The following TESC variants were observed in gnomAD, a reference collection of about 807,000 sequenced individuals.
The protein encoded by TESC is tescalcin.
Under a neutral mutation model 31.0 loss-of-function variants are expected in TESC, and 19 were observed. The ratio of observed to expected loss-of-function variants is 0.61; its 90% CI spans 0.43 to 0.90. The LOEUF (loss-of-function observed/expected upper bound fraction) is 0.90. Among genes scored for constraint, TESC ranks in the 40% least tolerant of loss-of-function variants. The pLI is 0.00. For missense variants in TESC, 248 were observed against 303.8 expected, an observed-to-expected ratio of 0.82 and a Z score of 1.36; for synonymous variants, 109 against 114.8, an observed-to-expected ratio of 0.95 and a Z score of 0.32.
chr12:117,047,138 T>C (rs560184679), intron 4 of TESC, among the ~76,000 whole-genome samples: 1 of 152,350 alleles, frequency 6.6e-6, no homozygotes, highest in Admixed American at 6.5e-5. Context: ...GCCTGGCAAC[T>C]GCCCCGTGAG....
At chr12:117,052,022 C>G (rs566792528) in intron 3 of TESC, among the ~76,000 whole-genome samples, 5 of 152,276 alleles carry the variant, frequency 3.3e-5, no homozygotes, top group African/African-American at 1.2e-4. Flanking sequence ...AATCCTACTG[C>G]CTTAGCCTCC....
chr12:117,081,735 C>T (rs570713848), intron 1 of TESC, among the ~76,000 whole-genome samples: 1 of 152,020 alleles, frequency 6.6e-6, no homozygotes, highest in East Asian at 1.9e-4. Flanking sequence ...GAAACCCCAT[C>T]TCTACTAAAA....
chr12:117,088,430 C>CAG (rs1955250238), intron 1 of TESC, among the ~76,000 whole-genome samples: 1 of 152,176 alleles, frequency 6.6e-6, no homozygotes, highest in Non-Finnish European at 1.5e-5. Flanking sequence ...CCTGTAATCC[C>CAG]AGCGCTTTGG....
intron 1 of TESC, among the ~76,000 whole-genome samples, chr12:117,093,107 G>C (rs896127385): frequency 6.6e-6 from 1 of 152,110 alleles, no homozygotes; most frequent in Admixed American, 6.5e-5. Flanking sequence ...GGTCCACCCT[G>C]GCCCATCAGA....
At chr12:117,070,849 T>C (rs879642045) in intron 2 of TESC, among the ~76,000 whole-genome samples, 8 of 152,020 alleles carry the variant, frequency 5.3e-5, no homozygotes, top group Non-Finnish European at 1.2e-4. Flanking sequence ...CACACACCTG[T>C]AGTCCCAGCT....
rs184364821 is a variant in TESC at position 117,053,377 on chromosome 12, G to C, written c.209+3429C>G. On this transcript the variant is annotated intron_variant, in intron 3 of 7. Coordinates refer to ENST00000335209, the MANE Select transcript of TESC (RefSeq NM_017899.4). ...GTCTCCTGGAGCTCGGCTGTTCATG[G>C]AAAACAGCCTGGCAGGTGTGTGCAT... 7.3e-4 allele frequency among the ~76,000 whole-genome samples: 111 copies of C among 152,282 alleles called. 1 individual carries two copies. In the East Asian group the frequency reaches 0.019, roughly 26 times the overall value.
chr12:117,056,029 T>TC (rs999059863), intron 3 of TESC, among the ~76,000 whole-genome samples: 1 of 150,754 alleles, frequency 6.6e-6, no homozygotes, highest in African/African-American at 2.4e-5. Context: ...CAAGAGATTC[T>TC]CCTGCCTCAG....
intron 2 of TESC, among the ~76,000 whole-genome samples, chr12:117,065,635 T>C (rs879372953): frequency 2.6e-5 from 4 of 152,154 alleles, no homozygotes; most frequent in Non-Finnish European, 5.9e-5. Context: ...ACACCTATAA[T>C]TTCAGCACTT....
At chr12:117,093,537 G>A (rs370675115) in intron 1 of TESC, among the ~76,000 whole-genome samples, 1 of 152,230 alleles carries the variant, frequency 6.6e-6, no homozygotes, top group Non-Finnish European at 1.5e-5. Context: ...GGGATTACAA[G>A]CATGAGCCAC....
chr12:117,057,773 G>GT (rs1593001564), intron 2 of TESC, among the ~76,000 whole-genome samples: 1 of 151,956 alleles, frequency 6.6e-6, no homozygotes, highest in Non-Finnish European at 1.5e-5. Context: ...TTTTTTGTTT[G>GT]TTTGTTTTTT....
At chr12:117,058,275 T>C (rs1264134963) in intron 2 of TESC, among the ~76,000 whole-genome samples, 2 of 151,932 alleles carry the variant, frequency 1.3e-5, no homozygotes, top group Non-Finnish European at 2.9e-5. Flanking sequence ...TTATGCTAAG[T>C]GAAAGAAGCC....
chr12:117,073,432 C>T (rs879815046), intron 2 of TESC, among the ~76,000 whole-genome samples: 5 of 151,494 alleles, frequency 3.3e-5, no homozygotes, highest in Admixed American at 1.3e-4. Context: ...TGCAATCAAA[C>T]TGAGACCAGA....
In TESC at chr12:117,048,004, A is replaced by C. The variant is rs182820918; in HGVS notation, c.349+1015T>G. 3.3e-5 allele frequency among the ~76,000 whole-genome samples: 5 copies of C among 152,026 alleles called. No homozygotes were observed. In the East Asian group the frequency reaches 9.7e-4, roughly 29 times the overall value. ...AGTTATCCTCCCCACTCAGCCTCCTAAAGTGCTGGGATTACAGGAGTGCAC... is the reference window on the plus strand; with the variant it reads ...AGTTATCCTCCCCACTCAGCCTCCTCAAGTGCTGGGATTACAGGAGTGCAC... On this transcript the variant is annotated intron_variant, in intron 4 of 7. Coordinates refer to ENST00000335209, the MANE Select transcript of TESC (RefSeq NM_017899.4).
intron 1 of TESC, among the ~76,000 whole-genome samples, chr12:117,076,964 A>G (rs1404048762): frequency 6.6e-6 from 1 of 152,128 alleles, no homozygotes; most frequent in Non-Finnish European, 1.5e-5. Flanking sequence ...AAACCTTTCC[A>G]AAACACGGGC....
chr12:117,072,957 T>C (rs573163980), intron 2 of TESC, among the ~76,000 whole-genome samples: 3 of 152,246 alleles, frequency 2.0e-5, no homozygotes, highest in East Asian at 3.9e-4. Flanking sequence ...TTTAAATATT[T>C]TGTAGAGAAA....
chr12:117,062,786 C>T (rs544613484), intron 2 of TESC, among the ~76,000 whole-genome samples: 1 of 152,354 alleles, frequency 6.6e-6, no homozygotes, highest in East Asian at 1.9e-4. Context: ...CTCCCTAGGT[C>T]CCCGCCGGGC....
intron 1 of TESC, among the ~76,000 whole-genome samples, chr12:117,085,982 C>T (rs1183900758): frequency 6.6e-6 from 1 of 152,082 alleles, no homozygotes; most frequent in Non-Finnish European, 1.5e-5. Flanking sequence ...TGTTATAAAG[C>T]AATACAAAAG....
intron 2 of TESC, among the ~76,000 whole-genome samples, chr12:117,071,743 A>G (rs774994032): frequency 5.9e-5 from 9 of 152,126 alleles, no homozygotes; most frequent in Non-Finnish European, 1.3e-4. Flanking sequence ...AACGGCTCAC[A>G]TTTCTAAGCT....
At chr12:117,093,447 G>T (rs114927682) in intron 1 of TESC, among the ~76,000 whole-genome samples, 3,561 of 152,304 alleles carry the variant, frequency 0.023, 147 homozygotes, top group African/African-American at 0.078. Context: ...AGACAGTCTC[G>T]CACTGTCACC....
Sources: gnomAD v4.1 joint callset for allele counts (sites outside exome capture counted in the v4.1 genomes callset) on GRCh38, gnomAD v4.1.1 for gene constraint, MANE v1.5 for transcripts, NCBI Gene and HGNC (gene_info 2026-07-23, HGNC 2026-07-21) for gene names.